CFAP77: variants seen among roughly 807,000 people sequenced by gnomAD.
CFAP77 encodes cilia- and flagella-associated protein 77.
CFAP77 carries 25 observed loss-of-function variants against 31.1 expected under a neutral mutation model. The ratio of observed to expected loss-of-function variants is 0.80; its 90% CI spans 0.59 to 1.12. CFAP77 has a LOEUF of 1.12. CFAP77 is among the 50% of genes most tolerant of loss of function. The pLI is 0.00. For synonymous variants in CFAP77, 151 were observed against 159.9 expected, an observed-to-expected ratio of 0.94 and a Z score of 0.42; for missense variants, 377 against 397.3, an observed-to-expected ratio of 0.95 and a Z score of 0.44.
chr9:132,541,803 G>A (rs1166128109), intron 4 of CFAP77, among the ~76,000 whole-genome samples: 1 of 152,202 alleles, frequency 6.6e-6, no homozygotes, highest in Non-Finnish European at 1.5e-5. Context: ...ATCAGTAAAA[G>A]GGGTTTACTG....
intron 1 of CFAP77, among the ~76,000 whole-genome samples, chr9:132,430,173 T>C (rs1035178403): frequency 6.6e-6 from 1 of 152,176 alleles, no homozygotes; most frequent in African/African-American, 2.4e-5. Flanking sequence ...CTATCATTCA[T>C]AAATTTTTTA....
chr9:132,556,945 C>T (rs539762968), intron 5 of CFAP77, among the ~76,000 whole-genome samples: 1 of 152,216 alleles, frequency 6.6e-6, no homozygotes, highest in Non-Finnish European at 1.5e-5. Flanking sequence ...CCACGCCAGG[C>T]CCGGGCCCTG....
chr9:132,542,863 C>T, intron 4 of CFAP77, 83 bp from the exon 5 acceptor site: 3 of 1,090,650 alleles, frequency 2.8e-6, no homozygotes, highest in Admixed American at 1.7e-5. Context: ...AGAATCCCAG[C>T]CCTCTGTCTC....
rs147017482 is a variant in CFAP77 at position 132,499,998 on chromosome 9, T to A, written c.524+398T>A. ...AAACCCCGTCTCTACAAAAAAATTT[T>A]AAAAATTAGCTGGGCATTGTGGCAC... On this transcript the variant is annotated intron_variant, in intron 3 of 5. Coordinates refer to ENST00000393216, the MANE Select transcript of CFAP77 (RefSeq NM_001282957.2). This position sits in a 1 kb window ranked among gnomAD's most constrained non-coding sequence, Gnocchi z 5.4. 2.1e-3 allele frequency among the ~76,000 whole-genome samples: 321 copies of A among 152,106 alleles called. 4 individuals carry two copies. The highest frequency in any genetic ancestry group is 7.5e-3 in the African/African-American group (312 of 41,488).
chr9:132,529,687 G>C (rs189361327), intron 3 of CFAP77, among the ~76,000 whole-genome samples: 7 of 151,710 alleles, frequency 4.6e-5, no homozygotes, highest in African/African-American at 1.7e-4. Context: ...TTAGCTGGGC[G>C]TGGTGGCAGG....
intron 3 of CFAP77, chr9:132,513,477 G>A (rs1301701197): frequency 1.7e-6 from 2 of 1,200,506 alleles, no homozygotes; most frequent in Non-Finnish European, 2.3e-6. Flanking sequence ...TCCCGAGGTT[G>A]GAGCACGCAT....
In CFAP77 at chr9:132,517,227, C is replaced by T. The variant is rs749919597; in HGVS notation, c.524+17627C>T. On this transcript the variant is annotated intron_variant, in intron 3 of 5. Transcript: ENST00000393216. The surrounding 1 kb of genome is among the most constrained non-coding windows in gnomAD (Gnocchi z 4.7). ...AGGCCCAGCCTCAGAGGCCACCATC[C>T]GCCCCTCCGTCCCTTCTCAGCTGCG... Among the ~76,000 whole-genome samples, 3 of 152,068 alleles carry T rather than the reference C, an allele frequency of 2.0e-5. No individual in the cohort carries two copies. Among genetic ancestry groups the T allele is most frequent in the Admixed American group, 6.5e-5 (1 of 15,296 alleles).
chr9:132,471,687 TTTTTGTTTTGTTTTG>T, intron 1 of CFAP77, among the ~76,000 whole-genome samples: 1 of 148,704 alleles, frequency 6.7e-6, no homozygotes, highest in Non-Finnish European at 1.5e-5. Flanking sequence ...AGGGGGGTTG[TTTTTGTTTTGTTTTG>T]TTTTGTTTTG....
chr9:132,425,754 T>C (rs1264590190), intron 1 of CFAP77, among the ~76,000 whole-genome samples: 1 of 152,212 alleles, frequency 6.6e-6, no homozygotes, highest in Non-Finnish European at 1.5e-5. Context: ...TTACATGATA[T>C]GGGTACAGAT....
intron 3 of CFAP77, among the ~76,000 whole-genome samples, chr9:132,507,252 G>A (rs1000465924): frequency 2.6e-5 from 4 of 152,192 alleles, no homozygotes; most frequent in Non-Finnish European, 5.9e-5. Flanking sequence ...TGCCTTTGCG[G>A]AGGAGGCCTT....
intron 1 of CFAP77, among the ~76,000 whole-genome samples, chr9:132,477,132 G>A (rs1032739500): frequency 6.6e-6 from 1 of 152,136 alleles, no homozygotes; most frequent in Non-Finnish European, 1.5e-5. Flanking sequence ...AGAAGCCTGG[G>A]AGGCACCAAC....
At chr9:132,530,897 GT>G (rs1238070819) in intron 3 of CFAP77, among the ~76,000 whole-genome samples, 1 of 152,164 alleles carries the variant, frequency 6.6e-6, no homozygotes, top group Non-Finnish European at 1.5e-5. Flanking sequence ...AAGTTGTATA[GT>G]TTAATGTTTT....
chr9:132,550,185 C>T (rs1041670078), intron 5 of CFAP77, among the ~76,000 whole-genome samples: 1 of 152,202 alleles, frequency 6.6e-6, no homozygotes, highest in Admixed American at 6.5e-5. Context: ...CTGGCTGCCC[C>T]CTTCATCCTT....
At chr9:132,529,507 T>TAA (rs750691279) in intron 3 of CFAP77, among the ~76,000 whole-genome samples, 9 of 108,832 alleles carry the variant, frequency 8.3e-5, no homozygotes, top group African/African-American at 3.0e-4. Context: ...TAGAGTATAA[T>TAA]AAAAAAAAAA....
chr9:132,456,412 C>CGGCGCCTCCTTGGTAT (rs1564210200), intron 1 of CFAP77, among the ~76,000 whole-genome samples: 2 of 152,204 alleles, frequency 1.3e-5, no homozygotes, highest in African/African-American at 4.8e-5. Context: ...ATATTCCCTA[C>CGGCGCCTCCTTGGTAT]GGCGCCTCCT....
chr9:132,465,325 G>A (rs547677948), intron 1 of CFAP77, among the ~76,000 whole-genome samples: 53 of 152,220 alleles, frequency 3.5e-4, no homozygotes, highest in Non-Finnish European at 6.6e-4. Context: ...AGTGTTTCCT[G>A]AAGTCTTGTT....
chr9:132,439,826 G>A (rs1454476305), intron 1 of CFAP77, among the ~76,000 whole-genome samples: 2 of 143,012 alleles, frequency 1.4e-5, no homozygotes, highest in African/African-American at 5.3e-5. Context: ...TCCAGCCTGG[G>A]AGACAGAGCG....
In CFAP77 at chr9:132,511,596, G is replaced by A. The variant is rs1017457160; in HGVS notation, c.524+11996G>A. 7.2e-5 allele frequency among the ~76,000 whole-genome samples: 11 copies of A among 152,226 alleles called. No individual in the cohort carries two copies. Among genetic ancestry groups the A allele is most frequent in the African/African-American group, 2.4e-4 (10 of 41,530 alleles). ...AAATGCAGTGCGTCCTGGATTTTGG[G>A]AACAGGCACTATTCTAGTGCCAAGA... On this transcript the variant is annotated intron_variant, in intron 3 of 5. Coordinates refer to ENST00000393216, the MANE Select transcript of CFAP77 (RefSeq NM_001282957.2). This position sits in a 1 kb window ranked among gnomAD's most constrained non-coding sequence, Gnocchi z 5.8.
intron 3 of CFAP77, among the ~76,000 whole-genome samples, chr9:132,507,812 G>A (rs1456919304): frequency 6.6e-6 from 1 of 152,174 alleles, no homozygotes; most frequent in Non-Finnish European, 1.5e-5. Flanking sequence ...CCTGAAACCC[G>A]GCTGAATGAA....
Sources: gnomAD v4.1 joint callset for allele counts (sites outside exome capture counted in the v4.1 genomes callset) on GRCh38, gnomAD v4.1.1 for gene constraint, Gnocchi (gnomAD v3.1) non-coding constraint, MANE v1.5 for transcripts, NCBI Gene and HGNC (gene_info 2026-07-23, HGNC 2026-07-21) for gene names.